Variants in CCNY observed in about 807,000 individuals in gnomAD.
CCNY encodes cyclin Y, also known as cyclin-Y.
In CCNY, 19 loss-of-function variants were observed where a neutral mutation model predicts 42.8. The ratio of observed to expected loss-of-function variants is 0.44; its 90% CI spans 0.31 to 0.65. The LOEUF is 0.65. Among genes scored for constraint, CCNY ranks in the 30% least tolerant of loss-of-function variants. The probability of loss-of-function intolerance (pLI) is 0.07; values close to 1 mark genes in which losing one functional copy is unlikely to be tolerated. For missense variants in CCNY, 370 were observed against 437.3 expected (o/e 0.85, Z 1.37); for synonymous variants, 165 against 162.7 (o/e 1.01, Z -0.11).
rs543614116 is a variant in CCNY at position 35,447,032 on chromosome 10, C to CT, written c.155-36369dup. ...GTGGCTCATGCCTGTAATCCCAGTACTTTGGGAGGCTGAGGCGGGTGGATC... is the reference window on the plus strand; with the variant it reads ...GTGGCTCATGCCTGTAATCCCAGTACTTTTGGGAGGCTGAGGCGGGTGGATC... On this transcript the variant is annotated intron_variant, in intron 1 of 9. Transcript: ENST00000374704. Among the ~76,000 whole-genome samples, 1,071 of 152,242 alleles carry CT rather than the reference C, an allele frequency of 7.0e-3. 11 individuals are homozygous for CT. Among genetic ancestry groups the CT allele is most frequent in the African/African-American group, 0.025 (1,022 of 41,548 alleles).
intron 3 of CCNY, among the ~76,000 whole-genome samples, chr10:35,307,485 C>T (rs747588452): frequency 2.6e-5 from 4 of 152,086 alleles, no homozygotes; most frequent in African/African-American, 4.8e-5. Context: ...CATTAAGCAC[C>T]TATTCCTGTG....
chr10:35,247,594 GA>G (rs1044818992), intron 1 of CCNY, among the ~76,000 whole-genome samples: 3 of 147,738 alleles, frequency 2.0e-5, no homozygotes, highest in African/African-American at 7.5e-5. Flanking sequence ...TCTAGATAAA[GA>G]AATAAATGAA....
chr10:35,505,705 A>G (rs1840202139), intron 3 of CCNY, among the ~76,000 whole-genome samples: 1 of 152,172 alleles, frequency 6.6e-6, no homozygotes, highest in Non-Finnish European at 1.5e-5. Flanking sequence ...CCATATACGT[A>G]TGTTGTATTA....
intron 7 of CCNY, among the ~76,000 whole-genome samples, chr10:35,534,992 T>A (rs1273383018): frequency 1.1e-4 from 7 of 61,124 alleles, no homozygotes; most frequent in African/African-American, 3.9e-4. Flanking sequence ...TATATAGATC[T>A]ATATATATGT....
rs1196737252 is a variant in CCNY at position 35,279,846 on chromosome 10, C to T, written c.-9+29220C>T. ...TTGCCTATGATCAAGTTTGAAAGAT[C>T]ACATAGAGGTCTTTAGCTAAGAGCT... On this transcript the variant is annotated intron_variant, in intron 3 of 11. Coordinates refer to the CCNY transcript ENST00000374706. Among the ~76,000 whole-genome samples, 3 of 152,182 alleles carry T rather than the reference C, an allele frequency of 2.0e-5. No homozygotes were observed. In the East Asian group the frequency reaches 5.8e-4, roughly 29 times the overall value.
chr10:35,532,002 A>G (rs1288558716), intron 7 of CCNY, among the ~76,000 whole-genome samples: 1 of 152,210 alleles, frequency 6.6e-6, no homozygotes, highest in Non-Finnish European at 1.5e-5. Flanking sequence ...AACTATTGAA[A>G]TCTTCATTTG....
chr10:35,551,880 A>G (rs1841265678), intron 7 of CCNY, among the ~76,000 whole-genome samples: 2 of 152,258 alleles, frequency 1.3e-5, no homozygotes, highest in Non-Finnish European at 2.9e-5. Flanking sequence ...AAAATAAGAA[A>G]TGTTAGGGAG....
intron 1 of CCNY, among the ~76,000 whole-genome samples, chr10:35,476,615 C>A (rs2135354211): frequency 6.6e-6 from 1 of 151,240 alleles, no homozygotes; most frequent in Middle Eastern, 3.4e-3. Flanking sequence ...ATACCAGAAT[C>A]TCTGGGACGC....
intron 1 of CCNY, among the ~76,000 whole-genome samples, chr10:35,412,695 C>CA (rs397845404): frequency 0.33 from 41,240 of 125,994 alleles, 6,228 homozygotes; most frequent in Admixed American, 0.37. Context: ...TACTAAAATA[C>CA]AAAAAAAAAA....
upstream of CCNY, among the ~76,000 whole-genome samples, chr10:35,333,977 A>C (rs1202184937): frequency 6.7e-6 from 1 of 148,334 alleles, no homozygotes; most frequent in Non-Finnish European, 1.5e-5. Context: ...ACTCTAAATT[A>C]AAGTCCAAAC....
chr10:35,379,295 C>T (rs1003330870), intron 1 of CCNY, among the ~76,000 whole-genome samples: 3 of 152,140 alleles, frequency 2.0e-5, no homozygotes, highest in Non-Finnish European at 4.4e-5. Flanking sequence ...TCCCTGCCCC[C>T]CTGGACCTGG....
chr10:35,389,696 C>A (rs1837372729), intron 1 of CCNY, among the ~76,000 whole-genome samples: 1 of 152,096 alleles, frequency 6.6e-6, no homozygotes, highest in African/African-American at 2.4e-5. Context: ...CTTGGCCTCC[C>A]AAGGTGCTGG....
At chr10:35,435,319 C>G (rs1043804236) in intron 1 of CCNY, among the ~76,000 whole-genome samples, 13 of 152,200 alleles carry the variant, frequency 8.5e-5, no homozygotes, top group Admixed American at 8.5e-4. Flanking sequence ...ATCTGTTCTA[C>G]CTATGGACAG....
chr10:35,457,390 A>G (rs951090636), intron 1 of CCNY, among the ~76,000 whole-genome samples: 2 of 152,098 alleles, frequency 1.3e-5, no homozygotes, highest in Non-Finnish European at 2.9e-5. Flanking sequence ...TCGTGTGTAC[A>G]CCTGCCCGTC....
At chr10:35,543,015 C>G (rs1188741298) in intron 7 of CCNY, among the ~76,000 whole-genome samples, 2 of 152,196 alleles carry the variant, frequency 1.3e-5, no homozygotes, top group South Asian at 2.1e-4. Flanking sequence ...ACATCACTGC[C>G]CAGGATTTCA....
rs1589041972 is a variant in CCNY at position 35,336,556 on chromosome 10, C to G, written c.-498C>G. 6.7e-6 allele frequency among the ~76,000 whole-genome samples: 1 copy of G among 148,818 alleles called. No individual in the cohort carries two copies. The highest frequency in any genetic ancestry group is 2.1e-4 in the South Asian group (1 of 4,822). The stretch of plus-strand genomic sequence containing the variant: ...CGCGCCGCGAGGAGTCCGGGGGCTG[C>G]GCCCACGCCCGCTGCCCGCCCGCTC... On this transcript the variant is annotated 5_prime_UTR_variant, in exon 1 of 10. Transcript: ENST00000374704.
intron 1 of CCNY, among the ~76,000 whole-genome samples, chr10:35,460,345 C>T (rs1273569098): frequency 6.6e-6 from 1 of 152,190 alleles, no homozygotes; most frequent in Non-Finnish European, 1.5e-5. Context: ...CTTGTTGAAA[C>T]AGTGTCATCA....
At chr10:35,279,754 T>G (rs1835278749) in intron 3 of CCNY, among the ~76,000 whole-genome samples, 1 of 152,182 alleles carries the variant, frequency 6.6e-6, no homozygotes, top group African/African-American at 2.4e-5. Flanking sequence ...ATGCACTGAC[T>G]GTGCATCAAG....
At chr10:35,521,003 G>C (rs116325145) in intron 4 of CCNY, among the ~76,000 whole-genome samples, 3,344 of 152,256 alleles carry the variant, frequency 0.022, 116 homozygotes, top group African/African-American at 0.076. Context: ...TCACAGCCCT[G>C]TCTATGGCTC....
Sources: allele counts gnomAD v4.1 joint callset (sites outside exome capture counted in the v4.1 genomes callset), GRCh38; gene constraint gnomAD v4.1.1; transcripts MANE v1.5; gene names NCBI Gene and HGNC (gene_info 2026-07-23, HGNC 2026-07-21).